The following FOXP2 variants were observed in gnomAD, a reference collection of about 807,000 sequenced individuals.
The protein encoded by FOXP2 is forkhead box protein P2.
Under a neutral mutation model 115.8 loss-of-function variants are expected in FOXP2, and 12 were observed. The observed-to-expected ratio is 0.10, with a 90% confidence interval of 0.07 to 0.17. The LOEUF (loss-of-function observed/expected upper bound fraction) is 0.17. Among genes scored for constraint, FOXP2 ranks in the 10% least tolerant of loss-of-function variants. The pLI is 1.00. For missense variants in FOXP2, 629 were observed against 843.5 expected, an observed-to-expected ratio of 0.75 and a Z score of 3.15; for synonymous variants, 328 against 297.7, an observed-to-expected ratio of 1.10 and a Z score of -1.05.
chr7:114,261,500 T>A (rs548797209), intron 1 of FOXP2, among the ~76,000 whole-genome samples: 45 of 152,322 alleles, frequency 3.0e-4, no homozygotes, highest in Non-Finnish European at 5.6e-4. Context: ...ATTTTTAAAA[T>A]GTTTAAAAGA....
chr7:114,426,765 A>T, intron 2 of FOXP2, 86 bp downstream of exon 2: 1 of 1,368,688 alleles, frequency 7.3e-7, no homozygotes, highest in Admixed American at 1.9e-5. Flanking sequence ...CAAACTGAGC[A>T]TGTTGTGTTA....
chr7:114,153,015 T>C (rs1447238903), intron 1 of FOXP2, among the ~76,000 whole-genome samples: 1 of 152,118 alleles, frequency 6.6e-6, no homozygotes, highest in Non-Finnish European at 1.5e-5. Flanking sequence ...AAATGTTTTC[T>C]TTAGGAAAAA....
intron 1 of FOXP2, among the ~76,000 whole-genome samples, chr7:114,092,519 T>A (rs1371042709): frequency 1.3e-5 from 2 of 151,834 alleles, no homozygotes; most frequent in East Asian, 3.9e-4. Flanking sequence ...CAACTTTTTC[T>A]CAACCTTAAA....
At chr7:114,335,270 G>A (rs1285326573) in intron 2 of FOXP2, among the ~76,000 whole-genome samples, 1 of 151,506 alleles carries the variant, frequency 6.6e-6, no homozygotes, top group Non-Finnish European at 1.5e-5. Flanking sequence ...AGTGTATTTT[G>A]TATAATTTAT....
In FOXP2 at chr7:114,138,308, C is replaced by T. The variant is rs534536171; in HGVS notation, c.-246-24636C>T. ...CTGACAAACCTTCTTCAGCCAAATC[C>T]AGGTCAACAGCAACAGTTATATATC... is the stretch of plus-strand genomic sequence containing the variant. On this transcript the variant is annotated intron_variant, in intron 1 of 19. Coordinates refer to the FOXP2 transcript ENST00000635638. Among the ~76,000 whole-genome samples, 4 of 151,978 alleles carry T rather than the reference C, an allele frequency of 2.6e-5. No individual in the cohort carries two copies. In the South Asian group the frequency reaches 8.3e-4, roughly 32 times the overall value.
intron 3 of FOXP2, among the ~76,000 whole-genome samples, chr7:114,620,723 T>C: frequency 6.6e-6 from 1 of 152,024 alleles, no homozygotes; most frequent in Admixed American, 6.6e-5. Context: ...AGGTAGAAGA[T>C]ATAAAAAGGA....
At chr7:114,172,951 CCTGT>C (rs769382823) in intron 1 of FOXP2, among the ~76,000 whole-genome samples, 18 of 152,076 alleles carry the variant, frequency 1.2e-4, no homozygotes, top group South Asian at 6.2e-4. Flanking sequence ...TAGATGAGGA[CCTGT>C]CTATTTCCAT....
At chr7:114,357,213 T>A (rs1231513132) in intron 2 of FOXP2, among the ~76,000 whole-genome samples, 2 of 152,166 alleles carry the variant, frequency 1.3e-5, no homozygotes, top group Non-Finnish European at 1.5e-5. Flanking sequence ...TCGTTACATA[T>A]ATTTTGGGTG....
intron 2 of FOXP2, chr7:114,498,806 T>G (rs1797437882): frequency 1.4e-6 from 1 of 716,588 alleles, no homozygotes; most frequent in Admixed American, 2.0e-5. Flanking sequence ...TGGGGGTATA[T>G]GTCAGGATGA....
At chr7:114,198,528 C>T (rs1793971710) in intron 1 of FOXP2, among the ~76,000 whole-genome samples, 1 of 152,140 alleles carries the variant, frequency 6.6e-6, no homozygotes, top group Non-Finnish European at 1.5e-5. Context: ...AACCTAGATT[C>T]CTCTCATAAG....
intron 1 of FOXP2, among the ~76,000 whole-genome samples, chr7:114,420,300 C>A (rs111952275): frequency 6.6e-6 from 1 of 151,928 alleles, no homozygotes; most frequent in Middle Eastern, 3.2e-3. Context: ...AGCTTGCAAG[C>A]TTGCACAACT....
intron 1 of FOXP2, chr7:114,088,255 GC>G (rs1799466535): frequency 6.6e-6 from 1 of 152,546 alleles, no homozygotes; most frequent in Admixed American, 6.5e-5. Flanking sequence ...CATGCAAGGT[GC>G]GCTAGGTGGC....
At chr7:114,408,953 C>G (rs1317688953) in intron 2 of FOXP2, among the ~76,000 whole-genome samples, 2 of 151,852 alleles carry the variant, frequency 1.3e-5, no homozygotes, top group Non-Finnish European at 2.9e-5. Flanking sequence ...ATCTCTTTTG[C>G]TGTAATTCTA....
chr7:114,642,400 C>T lies in FOXP2; in HGVS notation c.776-10C>T. On this transcript the variant is annotated splice_polypyrimidine_tract_variant and intron_variant, in intron 6 of 16. Coordinates refer to ENST00000350908, the MANE Select transcript of FOXP2 (RefSeq NM_014491.4). ...TTGTTATGCTAGTGAAGCTTTCTTT[C>T]ATTTTATAGCTGGCTTAAGTCCTGC... 6.2e-7 allele frequency: 1 copy of T among 1,611,566 alleles called. No homozygotes were observed. Among genetic ancestry groups the T allele is most frequent in the African/African-American group, 1.3e-5 (1 of 74,948 alleles).
At chr7:114,395,639 T>C (rs1186786403) in intron 2 of FOXP2, among the ~76,000 whole-genome samples, 1 of 152,162 alleles carries the variant, frequency 6.6e-6, no homozygotes, top group Admixed American at 6.5e-5. Flanking sequence ...AAAGATATTA[T>C]TACTAGTTTA....
chr7:114,568,532 G>T lies in FOXP2; in HGVS notation c.258+33826G>T, dbSNP rs192251830. The stretch of plus-strand genomic sequence containing the variant: ...AATATTTGAGATAGTAACTAAAGAA[G>T]ATATGTTTGAAATATGGTTAGGTTT... On this transcript the variant is annotated intron_variant, in intron 3 of 16. Coordinates refer to ENST00000350908, the MANE Select transcript of FOXP2 (RefSeq NM_014491.4). Among the ~76,000 whole-genome samples the T allele has an allele frequency of 4.0e-5, 6 of 151,828 alleles. No individual in the cohort carries two copies. In the East Asian group the frequency reaches 1.2e-3, roughly 29 times the overall value.
At chr7:114,674,453 A>T (rs117349755) in intron 16 of FOXP2, among the ~76,000 whole-genome samples, 3,192 of 152,328 alleles carry the variant, frequency 0.021, 53 homozygotes, top group South Asian at 0.063. Flanking sequence ...GAAGGGGATT[A>T]TTTCTGTAGA....
At chr7:114,240,663 T>C (rs182958800) in intron 1 of FOXP2, among the ~76,000 whole-genome samples, 3 of 152,106 alleles carry the variant, frequency 2.0e-5, no homozygotes, top group Admixed American at 6.6e-5. Context: ...ATCTAACATA[T>C]CTAGTTTTGC....
At chr7:114,551,520 T>C (rs1584885348) in intron 3 of FOXP2, among the ~76,000 whole-genome samples, 2 of 152,312 alleles carry the variant, frequency 1.3e-5, no homozygotes, top group Admixed American at 1.3e-4. Flanking sequence ...CTAGTCTTCA[T>C]TTTTCTGCCT....
Sources: gnomAD v4.1 joint callset for allele counts (sites outside exome capture counted in the v4.1 genomes callset) on GRCh38, gnomAD v4.1.1 for gene constraint, MANE v1.5 for transcripts, NCBI Gene and HGNC (gene_info 2026-07-23, HGNC 2026-07-21) for gene names.